CLIC4: variants seen among roughly 807,000 people sequenced by gnomAD.
CLIC4 encodes chloride intracellular channel protein 4.
CLIC4 carries 13 observed loss-of-function variants against 24.6 expected under a neutral mutation model. That is an observed-to-expected ratio of 0.53 (90% CI 0.34 to 0.84). The LOEUF is 0.84. Ranked by LOEUF, CLIC4 falls within the 40% of genes least tolerant of loss-of-function variation. The pLI is 0.01. For synonymous variants in CLIC4, 104 were observed against 111.3 expected (o/e 0.93, Z 0.41); for missense variants, 227 against 301.7 (o/e 0.75, Z 1.83).
At chr1:24,838,086 C>A (rs1639903589) in intron 4 of CLIC4, among the ~76,000 whole-genome samples, 1 of 152,092 alleles carries the variant, frequency 6.6e-6, no homozygotes, top group Non-Finnish European at 1.5e-5. Flanking sequence ...TCCGTAGCCC[C>A]TAAATCGGTT....
chr1:24,824,996 T>TCACACACACACA (rs3220273), intron 3 of CLIC4, among the ~76,000 whole-genome samples: 88 of 133,958 alleles, frequency 6.6e-4, no homozygotes, highest in East Asian at 2.3e-3. Context: ...GGAGACCCTG[T>TCACACACACACA]CACACACACA....
intron 1 of CLIC4, among the ~76,000 whole-genome samples, chr1:24,758,096 C>T (rs1299882342): frequency 6.6e-6 from 1 of 152,026 alleles, no homozygotes; most frequent in African/African-American, 2.4e-5. Context: ...AAATATTGGT[C>T]CTAAGTTTGA....
intron 1 of CLIC4, among the ~76,000 whole-genome samples, chr1:24,751,298 C>T (rs1301209608): frequency 6.7e-6 from 1 of 149,538 alleles, no homozygotes; most frequent in South Asian, 2.1e-4. Context: ...CAACCTCTGT[C>T]TCCCGAGTTC....
chr1:24,773,963 T>A (rs1380912567), intron 1 of CLIC4, among the ~76,000 whole-genome samples: 3 of 152,066 alleles, frequency 2.0e-5, no homozygotes, highest in African/African-American at 4.8e-5. Flanking sequence ...GTTTCTTTTT[T>A]ATTTTAATTT....
chr1:24,756,560 A>C (rs1031944924), intron 1 of CLIC4, among the ~76,000 whole-genome samples: 20 of 152,198 alleles, frequency 1.3e-4, no homozygotes, highest in African/African-American at 4.6e-4. Flanking sequence ...TCTCATTATA[A>C]TATAGTTGTA....
chr1:24,745,671 C>T (rs1638679486), intron 1 of CLIC4, 46 bp downstream of exon 1: 2 of 1,480,480 alleles, frequency 1.4e-6, no homozygotes, highest in African/African-American at 2.9e-5. Flanking sequence ...CCCCGGCTCC[C>T]TCCCGGCTGC....
intron 1 of CLIC4, among the ~76,000 whole-genome samples, chr1:24,797,372 A>G (rs1639416351): frequency 6.6e-6 from 1 of 151,774 alleles, no homozygotes; most frequent in Admixed American, 6.6e-5. Context: ...CCAGGAGTTC[A>G]AGACCAACCT....
At chr1:24,750,140 G>T (rs1638755970) in intron 1 of CLIC4, among the ~76,000 whole-genome samples, 1 of 152,152 alleles carries the variant, frequency 6.6e-6, no homozygotes, top group South Asian at 2.1e-4. Context: ...TAGCCCTAGA[G>T]GCTGCGGGTG....
rs1009417498 is a variant in CLIC4 at position 24,777,476 on chromosome 1, GGAGGTT to G, written c.73-20264_73-20259del. On this transcript the variant is annotated intron_variant, in intron 1 of 5. Coordinates refer to ENST00000374379, the MANE Select transcript of CLIC4 (RefSeq NM_013943.3). The stretch of plus-strand genomic sequence containing the variant: ...GGAGAATCGCTTGAACCTGGGAGGT[GGAGGTT>G]GCAGTGAGCCGAGATCACGCCGCTG... Among the ~76,000 whole-genome samples, 7 of 152,166 alleles carry G rather than the reference GGAGGTT, an allele frequency of 4.6e-5. No individual in the cohort carries two copies. In the South Asian group the frequency reaches 1.0e-3, roughly 23 times the overall value.
intron 3 of CLIC4, among the ~76,000 whole-genome samples, chr1:24,824,064 AC>A (rs1639763014): frequency 6.6e-6 from 1 of 152,138 alleles, no homozygotes. Context: ...ATAATTGAAA[AC>A]CATTGCTTGA....
chr1:24,776,217 C>T (rs892557719), intron 1 of CLIC4, among the ~76,000 whole-genome samples: 1 of 152,142 alleles, frequency 6.6e-6, no homozygotes, highest in African/African-American at 2.4e-5. Context: ...ATTTTCTTTG[C>T]AGTGGTGATG....
At chr1:24,802,917 C>G (rs1277213149) in intron 2 of CLIC4, among the ~76,000 whole-genome samples, 1 of 152,064 alleles carries the variant, frequency 6.6e-6, no homozygotes, top group Non-Finnish European at 1.5e-5. Context: ...CTGTGTTGCC[C>G]AGGCTGGTCT....
At chr1:24,825,703 C>T (rs549247098) in intron 3 of CLIC4, among the ~76,000 whole-genome samples, 2 of 152,176 alleles carry the variant, frequency 1.3e-5, no homozygotes, top group East Asian at 3.9e-4. Context: ...TAGTACTCTG[C>T]CCAATATTTA....
intron 3 of CLIC4, 151 bp from the exon 4 acceptor site, chr1:24,826,858 GT>G (rs1231418914): frequency 3.9e-6 from 2 of 515,746 alleles, no homozygotes; most frequent in Non-Finnish European, 6.9e-6. Context: ...GGAAAAAACA[GT>G]TTTTAAAAAT....
intron 2 of CLIC4, among the ~76,000 whole-genome samples, chr1:24,811,720 T>C (rs1639617533): frequency 6.6e-6 from 1 of 151,876 alleles, no homozygotes; most frequent in African/African-American, 2.4e-5. Context: ...ACTCAAGCAA[T>C]CCTCCTGCCT....
intron 1 of CLIC4, among the ~76,000 whole-genome samples, chr1:24,750,655 G>A (rs772031002): frequency 3.3e-5 from 5 of 151,992 alleles, no homozygotes; most frequent in Non-Finnish European, 5.9e-5. Context: ...GTGAGCCACC[G>A]AGCCTGGCCT....
chr1:24,746,197 C>T (rs1638695640), intron 1 of CLIC4, among the ~76,000 whole-genome samples: 1 of 152,230 alleles, frequency 6.6e-6, no homozygotes, highest in Admixed American at 6.5e-5. Context: ...CTTGGACCTT[C>T]GGAAAAGACC....
At chr1:24,804,406 G>GGT in intron 2 of CLIC4, among the ~76,000 whole-genome samples, 1 of 134,836 alleles carries the variant, frequency 7.4e-6, no homozygotes, top group South Asian at 2.5e-4. Context: ...GGGTGGAGGG[G>GGT]GTGTGTGTGG....
intron 2 of CLIC4, among the ~76,000 whole-genome samples, chr1:24,810,041 C>T (rs571191039): frequency 3.6e-4 from 55 of 152,260 alleles, no homozygotes; most frequent in Non-Finnish European, 6.0e-4. Context: ...TGCTTTGCCC[C>T]TTTTTTCTGA....
Sources: allele counts gnomAD v4.1 joint callset (sites outside exome capture counted in the v4.1 genomes callset), GRCh38; gene constraint gnomAD v4.1.1; transcripts MANE v1.5; gene names NCBI Gene and HGNC (gene_info 2026-07-23, HGNC 2026-07-21).